EHD3: variants seen among roughly 807,000 people sequenced by gnomAD.
The protein encoded by EHD3 is EH domain-containing protein 3.
Under a neutral mutation model 43.0 loss-of-function variants are expected in EHD3, and 17 were observed. The ratio of observed to expected loss-of-function variants is 0.40; its 90% CI spans 0.27 to 0.59. The LOEUF is 0.59. Ranked by LOEUF, EHD3 falls within the 20% of genes least tolerant of loss-of-function variation. The pLI is 0.49. For synonymous variants in EHD3, 313 were observed against 289.5 expected (o/e 1.08, Z -0.82); for missense variants, 594 against 705.6 (o/e 0.84, Z 1.79).
At chr2:31,253,344 G>A (rs1331031906) in intron 3 of EHD3, among the ~76,000 whole-genome samples, 1 of 151,844 alleles carries the variant, frequency 6.6e-6, no homozygotes, top group African/African-American at 2.4e-5. Flanking sequence ...AAGAGCTCTG[G>A]GTTTGGCCAC....
At chr2:31,240,307 T>C (rs999035275) in intron 1 of EHD3, among the ~76,000 whole-genome samples, 4 of 152,218 alleles carry the variant, frequency 2.6e-5, no homozygotes, top group African/African-American at 9.6e-5. Context: ...ACTTTTCTTT[T>C]TTCACACTGC....
chr2:31,244,593 C>T, intron 2 of EHD3, 143 bp downstream of exon 2: 1 of 941,418 alleles, frequency 1.1e-6, no homozygotes, highest in Non-Finnish European at 1.5e-6. Context: ...TTGTCCCTTG[C>T]TTGCTGAGAG....
chr2:31,241,282 T>C (rs1355916215), intron 1 of EHD3, among the ~76,000 whole-genome samples: 1 of 152,174 alleles, frequency 6.6e-6, no homozygotes, highest in Admixed American at 6.5e-5. Flanking sequence ...CTCAACCCTT[T>C]TGGCCTGTCC....
At chr2:31,249,837 C>T (rs915485465) in intron 3 of EHD3, among the ~76,000 whole-genome samples, 4 of 152,162 alleles carry the variant, frequency 2.6e-5, no homozygotes, top group African/African-American at 9.7e-5. Context: ...GCAGGGCAGC[C>T]AAATGCATAC....
Position 31,266,125 on chromosome 2 carries a change from G to C in EHD3, c.1081-52G>C. 6.5e-7 allele frequency: 1 copy of C among 1,547,848 alleles called. No homozygotes were observed. The highest frequency in any genetic ancestry group is 8.7e-7 in the Non-Finnish European group (1 of 1,144,540). ...TCATAGGAGGCACGTGATAAATGGA[G>C]GGCTCTCCTTTCATCGTATCCTATC... On this transcript the variant is annotated intron_variant, in intron 5 of 5. Coordinates refer to ENST00000322054, the MANE Select transcript of EHD3 (RefSeq NM_014600.3). The surrounding 1 kb of genome is among the most constrained non-coding windows in gnomAD (Gnocchi z 5.1).
rs1683822047 is a variant in EHD3, at chr2:31,260,045, A to C, written c.503-465A>C. Among the ~76,000 whole-genome samples, 1 of 152,142 alleles carries C rather than the reference A, an allele frequency of 6.6e-6. No individual in the cohort carries two copies. Among genetic ancestry groups the C allele is most frequent in the Non-Finnish European group, 1.5e-5 (1 of 68,036 alleles). On this transcript the variant is annotated intron_variant, in intron 3 of 5. Transcript: ENST00000322054. This position sits in a 1 kb window ranked among gnomAD's most constrained non-coding sequence, Gnocchi z 4.6. Reference sequence around the variant, plus strand: ...GGTTAAACCTGTCTCTACTAAAAACACAAAAATTAGACGGGCATGGTGGCG... The same window carrying C: ...GGTTAAACCTGTCTCTACTAAAAACCCAAAAATTAGACGGGCATGGTGGCG...
intron 1 of EHD3, among the ~76,000 whole-genome samples, chr2:31,237,545 C>T (rs1046089909): frequency 1.3e-4 from 20 of 152,144 alleles, no homozygotes; most frequent in South Asian, 6.2e-4. Context: ...GCTGGGGTTA[C>T]GGGCACCCGC....
Position 31,266,038 on chromosome 2 carries a change from C to A in EHD3, c.1081-139C>A. ...TCGATTACCACGTGATGTCCATCAG[C>A]TGAGCCTCTAGGTCACAGGTCTTTC... On this transcript the variant is annotated intron_variant, in intron 5 of 5. Transcript: ENST00000322054. The surrounding 1 kb of genome is among the most constrained non-coding windows in gnomAD (Gnocchi z 5.1). 9.0e-7 allele frequency: 1 copy of A among 1,106,932 alleles called. No homozygotes were observed. Among genetic ancestry groups the A allele is most frequent in the South Asian group, 1.7e-5 (1 of 59,600 alleles). 68.6% of individuals were successfully genotyped at this position (1,106,932 alleles called of 1,614,324 possible).
chr2:31,242,769 G>A (rs1377997124), intron 1 of EHD3, among the ~76,000 whole-genome samples: 2 of 152,096 alleles, frequency 1.3e-5, no homozygotes, highest in African/African-American at 2.4e-5. Flanking sequence ...GACCAGCCTG[G>A]CCAACATGGT....
At position 31,266,737 on chromosome 2, in the gene EHD3, AGAG is replaced by A. The variant is rs1278410940; in HGVS notation, c.*40_*42del. 2.6e-6 allele frequency: 4 copies of A among 1,559,520 alleles called. No homozygotes were observed. The highest frequency in any genetic ancestry group is 3.5e-6 in the Non-Finnish European group (4 of 1,154,882). On this transcript the variant is annotated 3_prime_UTR_variant, in exon 6 of 6. Coordinates refer to ENST00000322054, the MANE Select transcript of EHD3 (RefSeq NM_014600.3). The surrounding 1 kb of genome is among the most constrained non-coding windows in gnomAD (Gnocchi z 5.1). Reference sequence around the variant, plus strand: ...GGGGGACATTCAGACGGGCAGTGTTAGAGGAGGAGATGGGAGCGGTGACTACAC... The same window carrying A: ...GGGGGACATTCAGACGGGCAGTGTTAGAGGAGATGGGAGCGGTGACTACAC...
intron 5 of EHD3, among the ~76,000 whole-genome samples, chr2:31,262,449 T>C (rs536691350): frequency 2.2e-4 from 33 of 152,324 alleles, no homozygotes; most frequent in African/African-American, 7.7e-4. Context: ...TCACGCCTTA[T>C]ACAGGTGTTG....
chr2:31,260,685 G>T lies in EHD3; in HGVS notation c.678G>T (p.Thr226=). ...TGAACAAAGCTGACCAGATCGAGAC[G>T]CAGCAGCTGATGCGGGTGTACGGGG... ...VVLNKADQIE[T]QQLMRVYGAL... The change falls in exon 4 of 6, where the codon ACG becomes ACT. Residue 226 remains threonine, a synonymous_variant. Coordinates refer to ENST00000322054, the MANE Select transcript of EHD3 (RefSeq NM_014600.3). This position sits in a 1 kb window ranked among gnomAD's most constrained non-coding sequence, Gnocchi z 4.6. 6.2e-7 allele frequency: 1 copy of T among 1,614,242 alleles called. No homozygotes were observed. Among genetic ancestry groups the T allele is most frequent in the South Asian group, 1.1e-5 (1 of 91,080 alleles).
rs372095794 is a variant in EHD3 at position 31,266,718 on chromosome 2, C to A, written c.*14C>A. The A allele has an allele frequency of 6.3e-7, 1 of 1,580,316 alleles. No homozygotes were observed. Among genetic ancestry groups the A allele is most frequent in the Non-Finnish European group, 8.6e-7 (1 of 1,163,832 alleles). ...GTTGCCGAGTGATGGGGTGGGGGGACATTCAGACGGGCAGTGTTAGAGGAG... is the reference window on the plus strand; with the variant it reads ...GTTGCCGAGTGATGGGGTGGGGGGAAATTCAGACGGGCAGTGTTAGAGGAG... On this transcript the variant is annotated 3_prime_UTR_variant, in exon 6 of 6. Coordinates refer to ENST00000322054, the MANE Select transcript of EHD3 (RefSeq NM_014600.3). This position sits in a 1 kb window ranked among gnomAD's most constrained non-coding sequence, Gnocchi z 5.1.
intron 2 of EHD3, among the ~76,000 whole-genome samples, chr2:31,245,098 T>G (rs148226660): frequency 4.6e-5 from 7 of 152,374 alleles, no homozygotes; most frequent in African/African-American, 1.7e-4. Context: ...CTCACACTTA[T>G]TACACTGATA....
chr2:31,243,485 TC>T (rs1683462613), intron 1 of EHD3, among the ~76,000 whole-genome samples: 1 of 128,696 alleles, frequency 7.8e-6, no homozygotes, highest in Admixed American at 8.2e-5. Flanking sequence ...AGACAGAGTT[TC>T]GTTCTTGTTG....
In EHD3 at chr2:31,234,336, C is replaced by G. The variant is rs1444463107; in HGVS notation, c.-286C>G. ...GCATCTGGCAGTTTCCTTGCAGGTT[C>G]AACTTTAATTGCCAAGATTTCACCC... is the stretch of plus-strand genomic sequence containing the variant. On this transcript the variant is annotated 5_prime_UTR_variant, in exon 1 of 6. Transcript: ENST00000322054. 1 of 434,430 alleles carries G rather than the reference C, an allele frequency of 2.3e-6. No homozygotes were observed. 26.9% of individuals were successfully genotyped at this position (434,430 alleles called of 1,614,324 possible). A position where few individuals can be genotyped will look rare whatever the true frequency, so the allele number is the denominator to read the frequency against.
At chr2:31,265,542 C>T (rs975448701) in intron 5 of EHD3, among the ~76,000 whole-genome samples, 9 of 152,180 alleles carry the variant, frequency 5.9e-5, no homozygotes, top group African/African-American at 2.2e-4. Flanking sequence ...CAGGTGACTC[C>T]GATGAGCATC....
intron 3 of EHD3, among the ~76,000 whole-genome samples, chr2:31,255,606 G>T (rs1683736443): frequency 6.6e-6 from 1 of 152,282 alleles, no homozygotes; most frequent in African/African-American, 2.4e-5. Flanking sequence ...CTGCACCTAA[G>T]TCCAGGCCAA....
Position 31,268,733 on chromosome 2 carries a change from T to G in EHD3, c.*2029T>G, listed in dbSNP as rs971359566. 6 of 152,232 alleles carry G rather than the reference T, an allele frequency of 3.9e-5. No individual in the cohort carries two copies. The highest frequency in any genetic ancestry group is 7.2e-5 in the African/African-American group (3 of 41,458). 9.4% of individuals were successfully genotyped at this position (152,232 alleles called of 1,614,324 possible). ...ACCTGCTCTGGAGAAAACCCTTGAG[T>G]GCCGAGTGCAGGTTAGGGACCATTT... is the stretch of plus-strand genomic sequence containing the variant. On this transcript the variant is annotated 3_prime_UTR_variant, in exon 6 of 6. Coordinates refer to ENST00000322054, the MANE Select transcript of EHD3 (RefSeq NM_014600.3).
Sources: gnomAD v4.1 joint callset for allele counts (sites outside exome capture counted in the v4.1 genomes callset) on GRCh38, gnomAD v4.1.1 for gene constraint, Gnocchi (gnomAD v3.1) non-coding constraint, MANE v1.5 for transcripts, NCBI Gene and HGNC (gene_info 2026-07-23, HGNC 2026-07-21) for gene names.